The following QTGAL variants were observed in gnomAD, a reference collection of about 807,000 sequenced individuals.
QTGAL encodes BGnT-like protein 1.
the QTGAL span, among the ~76,000 whole-genome samples, chr17:83,047,946 C>G: frequency 1.2e-4 from 18 of 152,218 alleles, no homozygotes; most frequent in Middle Eastern, 3.4e-3. Context: ...AAGGTTCTTT[C>G]TTTTCTTTCT....
chr17:82,946,106 C>CACAA, the QTGAL span, among the ~76,000 whole-genome samples: 1 of 152,072 alleles, frequency 6.6e-6, no homozygotes, highest in South Asian at 2.1e-4. Flanking sequence ...TTTAGTCACA[C>CACAA]ACAAACAGTT....
the QTGAL span, among the ~76,000 whole-genome samples, chr17:83,031,813 T>G: frequency 6.6e-6 from 1 of 152,240 alleles, no homozygotes; most frequent in Admixed American, 6.5e-5. Flanking sequence ...GAACCGAATC[T>G]GTTCGACTGT....
At chr17:82,975,001 C>A in the QTGAL span, among the ~76,000 whole-genome samples, 2 of 105,778 alleles carry the variant, frequency 1.9e-5, 1 homozygote, top group Admixed American at 1.6e-4. Context: ...CAGAGCCGGA[C>A]TCCATCCTCC....
chr17:82,956,120 C>T, the QTGAL span, among the ~76,000 whole-genome samples: 1 of 151,582 alleles, frequency 6.6e-6, no homozygotes, highest in Non-Finnish European at 1.5e-5. This position sits in a 1 kb window ranked among gnomAD's most constrained non-coding sequence, Gnocchi z 5.7. Flanking sequence ...ACCTATGTAA[C>T]AAATCTTCAT....
chr17:82,973,648 G>A, the QTGAL span, among the ~76,000 whole-genome samples: 19 of 152,068 alleles, frequency 1.2e-4, no homozygotes, highest in African/African-American at 4.6e-4. Flanking sequence ...GGAACCTGGT[G>A]CAACCGAAGC....
chr17:82,966,521 C>T, the QTGAL span, among the ~76,000 whole-genome samples: 10 of 152,160 alleles, frequency 6.6e-5, no homozygotes, highest in African/African-American at 1.2e-4. Flanking sequence ...GACAGACAAA[C>T]GGAACAGAAC....
chr17:83,024,649 CGT>C, the QTGAL span, among the ~76,000 whole-genome samples: 3 of 152,258 alleles, frequency 2.0e-5, no homozygotes, highest in South Asian at 2.1e-4. Context: ...TGAATCCACG[CGT>C]GTTAACACGC....
the QTGAL span, among the ~76,000 whole-genome samples, chr17:82,992,894 T>C: frequency 6.6e-6 from 1 of 152,178 alleles, no homozygotes; most frequent in African/African-American, 2.4e-5. Context: ...TAAGTTGTTA[T>C]TAGCTTAAAA....
chr17:82,942,166 A>G, the QTGAL span: 4 of 551,466 alleles, frequency 7.3e-6, no homozygotes, highest in Non-Finnish European at 1.3e-5. Context: ...TGCTTTTTAC[A>G]TTTTTATTAG....
the QTGAL span, chr17:83,048,843 GCT>G: frequency 8.2e-6 from 12 of 1,464,882 alleles, no homozygotes; most frequent in Non-Finnish European, 1.1e-5. Flanking sequence ...CCTTTCCATG[GCT>G]CTAATTTACC....
chr17:83,000,023 C>T, the QTGAL span, among the ~76,000 whole-genome samples: 1,451 of 152,214 alleles, frequency 9.5e-3, 28 homozygotes, highest in African/African-American at 0.032. Flanking sequence ...AGTGCAGTGG[C>T]GCGATCTCAG....
At chr17:82,986,939 G>A in the QTGAL span, among the ~76,000 whole-genome samples, 2 of 152,128 alleles carry the variant, frequency 1.3e-5, no homozygotes, top group Admixed American at 6.5e-5. Context: ...GGCTGCCCCC[G>A]CTCCTCCCTG....
chr17:82,973,906 A>T, the QTGAL span, among the ~76,000 whole-genome samples: 3 of 152,090 alleles, frequency 2.0e-5, no homozygotes, highest in African/African-American at 7.2e-5. Flanking sequence ...TGGACAGGAG[A>T]GAGTGGCAGA....
chr17:82,951,537 A>C, the QTGAL span, among the ~76,000 whole-genome samples: 1 of 152,148 alleles, frequency 6.6e-6, no homozygotes, highest in Non-Finnish European at 1.5e-5. Flanking sequence ...TTGTGTGTTC[A>C]CTGGAGGACC....
At chr17:82,973,461 G>A in the QTGAL span, among the ~76,000 whole-genome samples, 4 of 152,268 alleles carry the variant, frequency 2.6e-5, no homozygotes, top group African/African-American at 7.2e-5. Flanking sequence ...CGGTCTTCCC[G>A]GGGAGCAGCG....
the QTGAL span, chr17:83,006,885 GT>G: frequency 1.1e-6 from 1 of 916,740 alleles, no homozygotes; most frequent in Non-Finnish European, 1.3e-6. The surrounding 1 kb of genome is among the most constrained non-coding windows in gnomAD (Gnocchi z 5.8). Context: ...ACAGTTACAT[GT>G]TTAGTTTTTA....
chr17:82,974,976 G>A, the QTGAL span, among the ~76,000 whole-genome samples: 2 of 105,272 alleles, frequency 1.9e-5, no homozygotes, highest in African/African-American at 1.1e-4. Flanking sequence ...ACTATGGAGA[G>A]TCAGGGCCCC....
At chr17:83,027,011 G>A in the QTGAL span, among the ~76,000 whole-genome samples, 1 of 146,562 alleles carries the variant, frequency 6.8e-6, no homozygotes, top group East Asian at 2.1e-4. Flanking sequence ...CACAGAGCGG[G>A]GCAGGGAGCC....
chr17:82,949,506 C>T, the QTGAL span: 3 of 152,272 alleles, frequency 2.0e-5, no homozygotes, highest in Non-Finnish European at 2.9e-5. Flanking sequence ...AAGCTGCTCC[C>T]GCCAAACGGA....
Sources: gnomAD v4.1 joint callset for allele counts (sites outside exome capture counted in the v4.1 genomes callset) on GRCh38, gnomAD v4.1.1 for gene constraint, Gnocchi (gnomAD v3.1) non-coding constraint, MANE v1.5 for transcripts, NCBI Gene and HGNC (gene_info 2026-07-23, HGNC 2026-07-21) for gene names.